PPP1R9A: variants seen among roughly 807,000 people sequenced by gnomAD.
The protein encoded by PPP1R9A is protein phosphatase 1 regulatory subunit 9A.
Under a neutral mutation model 141.9 loss-of-function variants are expected in PPP1R9A, and 59 were observed. The ratio of observed to expected loss-of-function variants is 0.42; its 90% CI spans 0.34 to 0.52. The LOEUF (loss-of-function observed/expected upper bound fraction) is 0.52. PPP1R9A is among the 20% of genes least tolerant of loss of function. The probability of loss-of-function intolerance (pLI) is 0.10; values close to 1 mark genes in which losing one functional copy is unlikely to be tolerated. For missense variants in PPP1R9A, 1,444 were observed against 1,611.9 expected, an observed-to-expected ratio of 0.90 and a Z score of 1.78; for synonymous variants, 500 against 569.7, an observed-to-expected ratio of 0.88 and a Z score of 1.74.
chr7:95,134,411 C>A (rs1270670418), intron 4 of PPP1R9A, among the ~76,000 whole-genome samples: 1 of 152,106 alleles, frequency 6.6e-6, no homozygotes, highest in Admixed American at 6.6e-5. Context: ...GTGCAGCAAA[C>A]CACCATGACA....
At chr7:95,099,475 A>G (rs1385543716) in intron 2 of PPP1R9A, among the ~76,000 whole-genome samples, 1 of 152,198 alleles carries the variant, frequency 6.6e-6, no homozygotes, top group East Asian at 1.9e-4. Context: ...CAATAAATTG[A>G]AAAATACTGA....
At chr7:94,940,296 A>T (rs1563021457) in intron 2 of PPP1R9A, among the ~76,000 whole-genome samples, 2 of 151,542 alleles carry the variant, frequency 1.3e-5, no homozygotes, top group East Asian at 1.9e-4. Context: ...CATCTCTCAT[A>T]TTTTTTTTCC....
intron 2 of PPP1R9A, among the ~76,000 whole-genome samples, chr7:95,084,774 A>G (rs1816378196): frequency 6.6e-6 from 1 of 152,038 alleles, no homozygotes; most frequent in Admixed American, 6.5e-5. Flanking sequence ...TAGTTAGTAC[A>G]TGTATTCTAT....
At chr7:95,270,417 T>G (rs935337221) in intron 14 of PPP1R9A, among the ~76,000 whole-genome samples, 2 of 152,142 alleles carry the variant, frequency 1.3e-5, no homozygotes, top group Non-Finnish European at 2.9e-5. Context: ...TAACAGGAGT[T>G]GGCGATTTTC....
chr7:95,061,281 C>T (rs1011969280), intron 2 of PPP1R9A, among the ~76,000 whole-genome samples: 1 of 152,028 alleles, frequency 6.6e-6, no homozygotes, highest in Non-Finnish European at 1.5e-5. Flanking sequence ...TTTAAAAATA[C>T]GTGTATGAGC....
chr7:95,268,885 G>A (rs1801708699), intron 13 of PPP1R9A, among the ~76,000 whole-genome samples, 178 bp downstream of exon 13: 1 of 152,104 alleles, frequency 6.6e-6, no homozygotes, highest in Non-Finnish European at 1.5e-5. Flanking sequence ...AAAATATTTT[G>A]TCTATTCATT....
chr7:95,148,019 G>A (rs1056332034), intron 4 of PPP1R9A, among the ~76,000 whole-genome samples: 2 of 152,116 alleles, frequency 1.3e-5, no homozygotes, highest in African/African-American at 4.8e-5. Context: ...AATGAAAATA[G>A]ATCATGTTAA....
At chr7:95,120,158 A>G (rs1297853060) in intron 3 of PPP1R9A, among the ~76,000 whole-genome samples, 2 of 151,424 alleles carry the variant, frequency 1.3e-5, no homozygotes, top group Non-Finnish European at 2.9e-5. Flanking sequence ...GGCTTTCACC[A>G]TGTTGCCAGG....
chr7:95,016,263 A>C (rs867608218), intron 2 of PPP1R9A, among the ~76,000 whole-genome samples: 1 of 152,166 alleles, frequency 6.6e-6, no homozygotes. Context: ...TCAGGAATGA[A>C]AAGGGGGATA....
chr7:95,128,690 C>T (rs1824019391), intron 4 of PPP1R9A, among the ~76,000 whole-genome samples: 1 of 152,120 alleles, frequency 6.6e-6, no homozygotes, highest in Non-Finnish European at 1.5e-5. Context: ...GATTCTCCTG[C>T]CTCAGCCTTC....
intron 14 of PPP1R9A, among the ~76,000 whole-genome samples, chr7:95,273,649 A>T (rs1181731429): frequency 1.3e-5 from 2 of 152,190 alleles, no homozygotes; most frequent in Non-Finnish European, 2.9e-5. Context: ...TCCCTTGTTC[A>T]TTCCCATGCA....
chr7:94,937,019 C>T (rs954782934), intron 2 of PPP1R9A, among the ~76,000 whole-genome samples: 2 of 151,986 alleles, frequency 1.3e-5, no homozygotes, highest in Non-Finnish European at 2.9e-5. Flanking sequence ...TAAGACCATT[C>T]CATGTCCATG....
At chr7:95,143,102 A>C (rs752249757) in intron 4 of PPP1R9A, among the ~76,000 whole-genome samples, 7 of 152,146 alleles carry the variant, frequency 4.6e-5, no homozygotes, top group Non-Finnish European at 8.8e-5. Flanking sequence ...AATTTGATTT[A>C]GCACATTAGG....
chr7:94,908,564 G>T (rs1791066384), intron 1 of PPP1R9A: 1 of 152,114 alleles, frequency 6.6e-6, no homozygotes, highest in South Asian at 2.1e-4. Flanking sequence ...ATTGCGTCCC[G>T]AACCGGGCTT....
intron 8 of PPP1R9A, among the ~76,000 whole-genome samples, chr7:95,245,270 A>G (rs1797967624): frequency 6.6e-6 from 1 of 152,130 alleles, no homozygotes; most frequent in Non-Finnish European, 1.5e-5. Flanking sequence ...TATTTATTAG[A>G]GGGAGAAAAA....
intron 8 of PPP1R9A, among the ~76,000 whole-genome samples, chr7:95,233,707 C>T (rs1796291285): frequency 6.6e-6 from 1 of 151,866 alleles, no homozygotes; most frequent in Non-Finnish European, 1.5e-5. Context: ...ATACCCAAAC[C>T]GGGAAGGGAC....
intron 6 of PPP1R9A, among the ~76,000 whole-genome samples, chr7:95,201,720 T>C (rs1202642466): frequency 6.6e-6 from 1 of 152,204 alleles, no homozygotes; most frequent in Non-Finnish European, 1.5e-5. Context: ...AATTGAACAA[T>C]TTATTGATTA....
chr7:95,138,572 A>C (rs1361948518), intron 4 of PPP1R9A, among the ~76,000 whole-genome samples: 1 of 152,216 alleles, frequency 6.6e-6, no homozygotes, highest in African/African-American at 2.4e-5. Context: ...CACAGTTAAG[A>C]ACTGAAAAGC....
At chr7:95,288,426 G>T in intron 18 of PPP1R9A, 110 bp from the exon 19 acceptor site, 2 of 1,419,720 alleles carry the variant, frequency 1.4e-6, no homozygotes, top group Middle Eastern at 2.0e-4. Flanking sequence ...ATCATATTTT[G>T]GTTTAAACAT....
Sources: gnomAD v4.1 joint callset for allele counts (sites outside exome capture counted in the v4.1 genomes callset) on GRCh38, gnomAD v4.1.1 for gene constraint, MANE v1.5 for transcripts, NCBI Gene and HGNC (gene_info 2026-07-23, HGNC 2026-07-21) for gene names.